Variants in AQR observed in about 807,000 individuals in gnomAD.
AQR encodes the protein RNA helicase aquarius.
AQR carries 61 observed loss-of-function variants against 180.5 expected under a neutral mutation model. That is an observed-to-expected ratio of 0.34 (90% confidence interval 0.28 to 0.42). The LOEUF is 0.42. Among genes scored for constraint, AQR ranks in the 10% least tolerant of loss-of-function variants. The probability of loss-of-function intolerance (pLI) is 1.00; values close to 1 mark genes in which losing one functional copy is unlikely to be tolerated. For missense variants in AQR, 1,281 were observed against 1,798.3 expected (o/e 0.71, Z 5.20); for synonymous variants, 551 against 588.8 (o/e 0.94, Z 0.93).
At chr15:34,933,681 G>GT in intron 10 of AQR, among the ~76,000 whole-genome samples, 1 of 152,192 alleles carries the variant, frequency 6.6e-6, no homozygotes, top group East Asian at 1.9e-4. Context: ...ACTATGTAAT[G>GT]TTTTTTCTAC....
Position 34,856,377 on chromosome 15 carries a change from C to T in AQR, c.*415G>A. The T allele has an allele frequency of 2.5e-6, 1 of 395,920 alleles. No individual in the cohort carries two copies. Among genetic ancestry groups the T allele is most frequent in the South Asian group, 1.4e-4 (1 of 7,022 alleles). 24.5% of individuals were successfully genotyped at this position (395,920 alleles called of 1,614,324 possible). On this transcript the variant is annotated 3_prime_UTR_variant, in exon 35 of 35. Coordinates refer to ENST00000156471, the MANE Select transcript of AQR (RefSeq NM_014691.3). ...AAGAAAAAAGGAAACAGAATTTAAG[C>T]ATTTGATAGTATAACAGAAGAAACA...
intron 15 of AQR, among the ~76,000 whole-genome samples, chr15:34,916,834 TA>T (rs1376414200): frequency 2.4e-5 from 3 of 126,058 alleles, no homozygotes; most frequent in African/African-American, 9.2e-5. Flanking sequence ...GAAAAATCTA[TA>T]GACTACGGGA....
At chr15:34,875,267 C>T (rs1444339142) in intron 28 of AQR, among the ~76,000 whole-genome samples, 1 of 152,140 alleles carries the variant, frequency 6.6e-6, no homozygotes, top group Non-Finnish European at 1.5e-5. Flanking sequence ...ATTCTGAACC[C>T]ACCAAAGCAG....
At chr15:34,963,337 T>C (rs889478661) in intron 2 of AQR, among the ~76,000 whole-genome samples, 9 of 152,174 alleles carry the variant, frequency 5.9e-5, no homozygotes, top group African/African-American at 2.2e-4. Context: ...TGGGAATTTG[T>C]CATATTATTT....
chr15:34,945,089 C>T lies in AQR; in HGVS notation c.331-661G>A, dbSNP rs550434579. Among the ~76,000 whole-genome samples the T allele has an allele frequency of 4.6e-5, 7 of 152,262 alleles. No homozygotes were observed. In the South Asian group the frequency reaches 1.0e-3, roughly 23 times the overall value. On this transcript the variant is annotated intron_variant, in intron 5 of 34. Coordinates refer to ENST00000156471, the MANE Select transcript of AQR (RefSeq NM_014691.3). The stretch of plus-strand genomic sequence containing the variant: ...TTCTTCTTTTGCCTGTTATCTAAAC[C>T]GCAATATTCGTAGGGTTCTAGCCTC...
At chr15:34,928,046 G>T (rs1893791802) in intron 12 of AQR, among the ~76,000 whole-genome samples, 1 of 152,156 alleles carries the variant, frequency 6.6e-6, no homozygotes, top group Non-Finnish European at 1.5e-5. Flanking sequence ...TGCCACACCA[G>T]CTGTGGTTAT....
rs1380535715 is a variant in AQR at position 34,862,996 on chromosome 15, T to C, written c.3900A>G (p.Gly1300=). The C allele has an allele frequency of 2.5e-6, 4 of 1,613,650 alleles. No individual in the cohort carries two copies. Among genetic ancestry groups the C allele is most frequent in the Non-Finnish European group, 3.4e-6 (4 of 1,179,854 alleles). The change falls in exon 33 of 35, where the codon GGA becomes GGG. Residue 1300 remains glycine (G), a synonymous_variant. Coordinates refer to ENST00000156471, the MANE Select transcript of AQR (RefSeq NM_014691.3). ...LVVAMSRARL[G]LYIFARVSLF... ...GGGATACTCTGGCGAAGATATAAAG[T>C]CCAAGTCTGGCTCTAGACATGGCCA... is the stretch of plus-strand genomic sequence containing the variant.
chr15:34,866,247 C>A (rs1892736915), intron 32 of AQR, among the ~76,000 whole-genome samples: 1 of 152,094 alleles, frequency 6.6e-6, no homozygotes, highest in Non-Finnish European at 1.5e-5. Flanking sequence ...ACCTGGGTAA[C>A]TGGAATCATA....
chr15:34,953,007 T>G, intron 3 of AQR, 87 bp from the exon 4 acceptor site: 1 of 741,862 alleles, frequency 1.3e-6, no homozygotes. Context: ...AGGGATGTTT[T>G]GTTTCCATAT....
At chr15:34,938,618 C>T (rs1310621276) in intron 9 of AQR, 119 bp downstream of exon 9, 2 of 667,828 alleles carry the variant, frequency 3.0e-6, no homozygotes, top group Admixed American at 2.4e-5. Context: ...AGAGGACATA[C>T]ACTTTGCCAA....
chr15:34,895,796 A>G (rs1207947587), intron 22 of AQR, among the ~76,000 whole-genome samples: 1 of 152,132 alleles, frequency 6.6e-6, no homozygotes, highest in East Asian at 1.9e-4. Context: ...CAACAAAACA[A>G]CAGACAGAAA....
intron 1 of AQR, among the ~76,000 whole-genome samples, chr15:34,968,025 C>G (rs1276423466): frequency 1.3e-5 from 2 of 152,046 alleles, no homozygotes; most frequent in Non-Finnish European, 2.9e-5. Context: ...GTTGGTCAGG[C>G]TGGTCTCGAA....
chr15:34,903,959 A>AC (rs1475204191), intron 19 of AQR, among the ~76,000 whole-genome samples: 24 of 152,210 alleles, frequency 1.6e-4, no homozygotes, highest in African/African-American at 5.8e-4. Context: ...CTGGAAGTAT[A>AC]CCTACTTTTG....
chr15:34,948,486 T>C, intron 4 of AQR, 102 bp from the exon 5 acceptor site: 1 of 1,423,432 alleles, frequency 7.0e-7, no homozygotes, highest in Non-Finnish European at 9.4e-7. Context: ...TTTCTGAAAA[T>C]ATTTTGGAAA....
At chr15:34,866,224 C>T (rs1437253834) in intron 32 of AQR, among the ~76,000 whole-genome samples, 1 of 152,076 alleles carries the variant, frequency 6.6e-6, no homozygotes, top group Non-Finnish European at 1.5e-5. Flanking sequence ...AGCTAAGATA[C>T]CTAGGCTAAG....
At chr15:34,888,399 T>C (rs181838931) in intron 24 of AQR, among the ~76,000 whole-genome samples, 1 of 151,714 alleles carries the variant, frequency 6.6e-6, no homozygotes, top group East Asian at 2.0e-4. Flanking sequence ...AAAGAATTAT[T>C]TTTAAAAAGC....
chr15:34,922,820 A>G (rs917688598), intron 13 of AQR, among the ~76,000 whole-genome samples: 1 of 152,098 alleles, frequency 6.6e-6, no homozygotes, highest in African/African-American at 2.4e-5. Context: ...ATCCATTAAA[A>G]AAAAAACAAA....
At chr15:34,915,007 T>C in intron 16 of AQR, 31 bp downstream of exon 16, 1 of 1,570,504 alleles carries the variant, frequency 6.4e-7, no homozygotes, top group South Asian at 1.2e-5. Flanking sequence ...TGTTTGCATC[T>C]CTTCATTACA....
At chr15:34,889,961 T>C (rs1214461672) in intron 24 of AQR, among the ~76,000 whole-genome samples, 1 of 152,176 alleles carries the variant, frequency 6.6e-6, no homozygotes, top group African/African-American at 2.4e-5. Context: ...AGGCAATCTG[T>C]TAAAAAGATT....
Sources: gnomAD v4.1 joint callset for allele counts (sites outside exome capture counted in the v4.1 genomes callset) on GRCh38, gnomAD v4.1.1 for gene constraint, MANE v1.5 for transcripts, NCBI Gene and HGNC (gene_info 2026-07-23, HGNC 2026-07-21) for gene names.